Variants in CUX2 observed in about 807,000 individuals in gnomAD.
The protein encoded by CUX2 is cut like homeobox 2, also known as homeobox protein cut-like 2.
In CUX2, 40 loss-of-function variants were observed where a neutral mutation model predicts 144.8. The ratio of observed to expected loss-of-function variants is 0.28; its 90% CI spans 0.21 to 0.36. The LOEUF is 0.36. Among genes scored for constraint, CUX2 ranks in the 10% least tolerant of loss-of-function variants. The probability of loss-of-function intolerance (pLI) is 1.00; values close to 1 mark genes in which losing one functional copy is unlikely to be tolerated. For synonymous variants in CUX2, 827 were observed against 875.6 expected (o/e 0.94, Z 0.98); for missense variants, 1,615 against 1,994.0 (o/e 0.81, Z 3.62).
intron 1 of CUX2, among the ~76,000 whole-genome samples, chr12:111,146,634 G>T (rs1292421830): frequency 4.6e-3 from 2 of 438 alleles, no homozygotes; most frequent in Non-Finnish European, 0.031. Flanking sequence ...GAGAGGGTTA[G>T]TAACGTGTAT....
Position 111,320,414 on chromosome 12 carries a change from C to G in CUX2, c.2405C>G (p.Ser802Cys). The stretch of plus-strand genomic sequence containing the variant: ...GGCCTGCTCAGCCGCCCCTACGCCT[C>G]CGTGTCGCCCTCGCTGTCCTCCTCC... ...DRGLLSRPYA[S>C]VSPSLSSSSS... Residue 802 changes from serine (S) to cysteine (C), a missense_variant, in exon 17 of 22, where the codon TCC (serine) becomes TGC (cysteine). Physicochemically the swap from Ser to Cys is moderately radical, Grantham distance 112 (BLOSUM62 -1). Around this residue, in one of 12 missense-constraint regions of CUX2, gnomAD observed 390 missense variants for 387.1 expected, o/e 1.01. Transcript: ENST00000261726. This position sits in a 1 kb window ranked among gnomAD's most constrained non-coding sequence, Gnocchi z 8.1. The G allele has an allele frequency of 6.3e-7, 1 of 1,597,784 alleles. No individual in the cohort carries two copies. The highest frequency in any genetic ancestry group is 8.5e-7 in the Non-Finnish European group (1 of 1,179,020).
chr12:111,220,122 C>T lies in CUX2; in HGVS notation c.222+2185C>T, dbSNP rs532110943. On this transcript the variant is annotated intron_variant, in intron 3 of 21. Transcript: ENST00000261726. The stretch of plus-strand genomic sequence containing the variant: ...TCACGCCACTGCATTCCAGCCTGGA[C>T]GACAGAGCAAGACTCTGTCTCAAAA... Among the ~76,000 whole-genome samples the T allele has an allele frequency of 6.0e-5, 9 of 148,972 alleles. No individual in the cohort carries two copies. In the South Asian group the frequency reaches 6.3e-4, roughly 10 times the overall value.
chr12:111,206,987 T>C (rs530957258), intron 1 of CUX2, among the ~76,000 whole-genome samples: 1 of 152,292 alleles, frequency 6.6e-6, no homozygotes, highest in South Asian at 2.1e-4. Context: ...GGTGGATGTA[T>C]GTCTGGATGA....
intron 3 of CUX2, among the ~76,000 whole-genome samples, chr12:111,254,490 T>C (rs1292000801): frequency 1.3e-5 from 2 of 152,230 alleles, no homozygotes; most frequent in Non-Finnish European, 1.5e-5. Context: ...TCTGAATCAC[T>C]GACTTACACA....
At chr12:111,346,126 C>T (rs1354773099) in intron 21 of CUX2, among the ~76,000 whole-genome samples, 1 of 132,832 alleles carries the variant, frequency 7.5e-6, no homozygotes, top group Admixed American at 8.0e-5. Context: ...AAAAGTTACA[C>T]GAAAAAGAAA....
At chr12:111,334,738 C>A in intron 19 of CUX2, 28 bp downstream of exon 19, 1 of 1,561,532 alleles carries the variant, frequency 6.4e-7, no homozygotes, top group Non-Finnish European at 8.7e-7. Flanking sequence ...ATCGGAGAGG[C>A]TGCCTCCCAC....
chr12:111,074,359 C>G (rs1871404451), intron 1 of CUX2, among the ~76,000 whole-genome samples: 1 of 152,036 alleles, frequency 6.6e-6, no homozygotes, highest in African/African-American at 2.4e-5. Flanking sequence ...GATTCAGAGC[C>G]AAAGACGTAG....
chr12:111,045,448 C>T (rs1190345459), intron 1 of CUX2, among the ~76,000 whole-genome samples: 2 of 152,196 alleles, frequency 1.3e-5, no homozygotes, highest in Non-Finnish European at 2.9e-5. Flanking sequence ...AAAGCTTCTA[C>T]TTCATAATCA....
At chr12:111,060,725 G>T (rs1338218225) in intron 1 of CUX2, among the ~76,000 whole-genome samples, 1 of 152,198 alleles carries the variant, frequency 6.6e-6, no homozygotes, top group African/African-American at 2.4e-5. Flanking sequence ...GCCCAGCCCG[G>T]CCCAGCCTGT....
intron 9 of CUX2, among the ~76,000 whole-genome samples, chr12:111,303,049 C>T (rs539226157): frequency 3.3e-5 from 5 of 151,148 alleles, no homozygotes; most frequent in African/African-American, 9.7e-5. Flanking sequence ...TGGCAAAACC[C>T]GTCTCTATTA....
chr12:111,236,219 G>C (rs1266571706), intron 3 of CUX2, among the ~76,000 whole-genome samples: 1 of 152,142 alleles, frequency 6.6e-6, no homozygotes, highest in East Asian at 1.9e-4. Context: ...ACCAAACACT[G>C]GGCTAAGAAA....
At chr12:111,195,461 C>T (rs931321276) in intron 1 of CUX2, among the ~76,000 whole-genome samples, 1 of 152,230 alleles carries the variant, frequency 6.6e-6, no homozygotes, top group Admixed American at 6.5e-5. Flanking sequence ...AGCGGGGCAT[C>T]ACTGGGCACC....
intron 1 of CUX2, among the ~76,000 whole-genome samples, chr12:111,123,184 C>A (rs1181089992): frequency 6.6e-6 from 1 of 152,116 alleles, no homozygotes; most frequent in Non-Finnish European, 1.5e-5. Flanking sequence ...CATATAGTTT[C>A]TTTCTTTCTT....
intron 3 of CUX2, among the ~76,000 whole-genome samples, chr12:111,256,348 C>A (rs1311225583): frequency 1.3e-5 from 2 of 152,186 alleles, no homozygotes; most frequent in Admixed American, 6.5e-5. Flanking sequence ...GAACCCAGCT[C>A]ATTCCTTCAT....
chr12:111,333,060 T>C (rs1888190525), intron 18 of CUX2, among the ~76,000 whole-genome samples: 1 of 152,082 alleles, frequency 6.6e-6, no homozygotes, highest in African/African-American at 2.4e-5. Context: ...ATACAAAAAA[T>C]TAGCCGGGTG....
At chr12:111,141,991 G>A (rs1214638196) in intron 1 of CUX2, among the ~76,000 whole-genome samples, 1 of 152,112 alleles carries the variant, frequency 6.6e-6, no homozygotes, top group Non-Finnish European at 1.5e-5. Context: ...GGCTGAGGCA[G>A]GAGAATCACT....
chr12:111,192,902 T>C (rs967810581), intron 1 of CUX2, among the ~76,000 whole-genome samples: 1 of 152,254 alleles, frequency 6.6e-6, no homozygotes, highest in East Asian at 1.9e-4. Context: ...TGTGTATCTT[T>C]GTGCTTTAAA....
chr12:111,324,627 A>G (rs986399026), intron 18 of CUX2, among the ~76,000 whole-genome samples: 1 of 151,810 alleles, frequency 6.6e-6, no homozygotes, highest in Non-Finnish European at 1.5e-5. Flanking sequence ...CAGCCTCCCG[A>G]GTAGCTGGGG....
At position 111,289,867 on chromosome 12, in the gene CUX2, G is replaced by A. The variant is rs1885579939; in HGVS notation, c.302-1551G>A. ...TGCAGGGAGCAGGAAGGCTGGGAGA[G>A]CTCGCGGAGAGGTGGGGCAGCTGCC... On this transcript the variant is annotated intron_variant, in intron 4 of 21. Coordinates refer to ENST00000261726, the MANE Select transcript of CUX2 (RefSeq NM_015267.4). This position sits in a 1 kb window ranked among gnomAD's most constrained non-coding sequence, Gnocchi z 4.1. Among the ~76,000 whole-genome samples the A allele has an allele frequency of 6.6e-6, 1 of 152,074 alleles. No homozygotes were observed. The highest frequency in any genetic ancestry group is 2.1e-4 in the South Asian group (1 of 4,830).
Sources: allele counts gnomAD v4.1 joint callset (sites outside exome capture counted in the v4.1 genomes callset), GRCh38; gene constraint gnomAD v4.1.1; regional missense constraint gnomAD v4.1.1; non-coding constraint Gnocchi (gnomAD v3.1); transcripts MANE v1.5; gene names NCBI Gene and HGNC (gene_info 2026-07-23, HGNC 2026-07-21).